The following ERBB4 variants were observed in gnomAD, a reference collection of about 807,000 sequenced individuals.
ERBB4 encodes receptor tyrosine-protein kinase erbB-4.
A neutral mutation model predicts 158.0 loss-of-function variants in ERBB4; 42 were observed. That is an observed-to-expected ratio of 0.27 (90% CI 0.21 to 0.34). The LOEUF (loss-of-function observed/expected upper bound fraction) is 0.34. ERBB4 is among the 10% of genes least tolerant of loss of function. ERBB4 has a pLI of 1.00. For missense variants in ERBB4, 1,333 were observed against 1,624.1 expected (o/e 0.82, Z 3.08); for synonymous variants, 583 against 558.7 (o/e 1.04, Z -0.61).
chr2:211,509,843 T>C (rs572169087), intron 20 of ERBB4, among the ~76,000 whole-genome samples: 1 of 152,020 alleles, frequency 6.6e-6, no homozygotes, highest in East Asian at 1.9e-4. Flanking sequence ...CATGAAAAAA[T>C]GACCAACATC....
At chr2:212,377,226 A>T (rs1440883816) in intron 1 of ERBB4, among the ~76,000 whole-genome samples, 3 of 148,132 alleles carry the variant, frequency 2.0e-5, no homozygotes, top group African/African-American at 7.3e-5. Context: ...AATATATATA[A>T]AATAAAATAA....
intron 2 of ERBB4, among the ~76,000 whole-genome samples, chr2:212,058,083 C>T (rs1030810542): frequency 9.9e-5 from 15 of 151,756 alleles, no homozygotes; most frequent in African/African-American, 3.1e-4. Flanking sequence ...TAGACGCAGA[C>T]GCAATAAAAA....
intron 1 of ERBB4, among the ~76,000 whole-genome samples, chr2:212,363,508 A>G (rs148517216): frequency 1.3e-5 from 2 of 151,682 alleles, no homozygotes; most frequent in South Asian, 2.1e-4. Flanking sequence ...AAAATGTAAT[A>G]TTCACATTTA....
At chr2:212,134,647 G>A (rs963387441) in intron 1 of ERBB4, among the ~76,000 whole-genome samples, 8 of 148,484 alleles carry the variant, frequency 5.4e-5, no homozygotes, top group Non-Finnish European at 8.9e-5. Flanking sequence ...GTGATAAAAC[G>A]TAGACTGCTG....
At chr2:211,975,592 T>G (rs1187003543) in intron 2 of ERBB4, among the ~76,000 whole-genome samples, 3 of 152,192 alleles carry the variant, frequency 2.0e-5, no homozygotes, top group African/African-American at 7.2e-5. Flanking sequence ...TAGTTCATAT[T>G]GTTTCAAATT....
chr2:212,010,274 G>A (rs943305548), intron 2 of ERBB4, among the ~76,000 whole-genome samples: 2 of 152,102 alleles, frequency 1.3e-5, no homozygotes, highest in African/African-American at 4.8e-5. Context: ...TCAAAAACTA[G>A]TACTGCAGCA....
At chr2:211,966,207 C>T (rs1300484953) in intron 2 of ERBB4, among the ~76,000 whole-genome samples, 1 of 151,978 alleles carries the variant, frequency 6.6e-6, no homozygotes, top group Non-Finnish European at 1.5e-5. Flanking sequence ...GAGTGAGACC[C>T]TGTCTTAAAA....
intron 2 of ERBB4, among the ~76,000 whole-genome samples, chr2:211,956,852 T>A (rs972882020): frequency 2.0e-5 from 3 of 152,080 alleles, no homozygotes; most frequent in Non-Finnish European, 4.4e-5. Flanking sequence ...TGTTTGTTTA[T>A]GAGACAGATT....
At chr2:212,164,739 G>A (rs1408941249) in intron 1 of ERBB4, among the ~76,000 whole-genome samples, 2 of 151,656 alleles carry the variant, frequency 1.3e-5, no homozygotes, top group African/African-American at 4.8e-5. Flanking sequence ...ATTGAAAAAT[G>A]GTTTTCTGCC....
chr2:212,039,247 A>G (rs1458145898), intron 2 of ERBB4, among the ~76,000 whole-genome samples: 3 of 152,158 alleles, frequency 2.0e-5, no homozygotes, highest in East Asian at 1.9e-4. Flanking sequence ...TATATGAACT[A>G]TAACTATGTT....
intron 17 of ERBB4, among the ~76,000 whole-genome samples, chr2:211,624,938 G>T (rs774363609): frequency 6.6e-6 from 1 of 151,974 alleles, no homozygotes; most frequent in Non-Finnish European, 1.5e-5. Flanking sequence ...AATCACAGGG[G>T]GGGCTGGGTG....
At chr2:211,811,465 C>A (rs1307300524) in intron 3 of ERBB4, among the ~76,000 whole-genome samples, 1 of 151,798 alleles carries the variant, frequency 6.6e-6, no homozygotes, top group African/African-American at 2.4e-5. Flanking sequence ...TTCATTTCAA[C>A]CTTGGTGAAT....
intron 2 of ERBB4, among the ~76,000 whole-genome samples, chr2:212,050,196 G>A (rs1418990312): frequency 1.3e-5 from 2 of 151,904 alleles, no homozygotes; most frequent in South Asian, 2.1e-4. Flanking sequence ...AACAGGGTAT[G>A]TCTGTCTGAA....
chr2:211,834,050 T>A (rs714394), intron 3 of ERBB4, among the ~76,000 whole-genome samples: 29,134 of 152,074 alleles, frequency 0.19, 3,112 homozygotes, highest in South Asian at 0.33. Context: ...TCTATGAAAC[T>A]GACAATATGT....
chr2:212,102,973 T>C (rs2079126338), intron 2 of ERBB4, among the ~76,000 whole-genome samples: 1 of 152,154 alleles, frequency 6.6e-6, no homozygotes, highest in Admixed American at 6.5e-5. Flanking sequence ...CTACTTCAAC[T>C]TCTGCTCTTC....
At chr2:211,779,627 T>G (rs112617176) in intron 4 of ERBB4, 2 of 152,318 alleles carry the variant, frequency 1.3e-5, no homozygotes, top group African/African-American at 2.4e-5. Flanking sequence ...GCAGTTATAC[T>G]AATAATCTTT....
At chr2:212,276,762 C>A (rs1366886648) in intron 1 of ERBB4, among the ~76,000 whole-genome samples, 1 of 151,720 alleles carries the variant, frequency 6.6e-6, no homozygotes, top group Non-Finnish European at 1.5e-5. Flanking sequence ...CAATTTTAAA[C>A]CTTTACTTTT....
At chr2:212,431,944 G>T (rs2092039249) in intron 1 of ERBB4, among the ~76,000 whole-genome samples, 1 of 152,008 alleles carries the variant, frequency 6.6e-6, no homozygotes, top group African/African-American at 2.4e-5. Flanking sequence ...TTATAGTCTA[G>T]GCTTCCATAT....
intron 9 of ERBB4, among the ~76,000 whole-genome samples, chr2:211,709,024 A>C (rs1303739245): frequency 6.6e-6 from 1 of 151,772 alleles, no homozygotes; most frequent in African/African-American, 2.4e-5. Flanking sequence ...TCCATAAGTA[A>C]TTTTTCACCT....
Sources: allele counts gnomAD v4.1 joint callset (sites outside exome capture counted in the v4.1 genomes callset), GRCh38; gene constraint gnomAD v4.1.1; transcripts MANE v1.5; gene names NCBI Gene and HGNC (gene_info 2026-07-23, HGNC 2026-07-21).